ELK3: variants seen among roughly 807,000 people sequenced by gnomAD.
ELK3 encodes the protein ETS domain-containing protein Elk-3.
In ELK3, 10 loss-of-function variants were observed where a neutral mutation model predicts 28.9. The observed-to-expected ratio is 0.35, with a 90% confidence interval of 0.21 to 0.59. The LOEUF is 0.59. Among genes scored for constraint, ELK3 ranks in the 20% least tolerant of loss-of-function variants. The pLI is 0.82. For synonymous variants in ELK3, 272 were observed against 243.5 expected (o/e 1.12, Z -1.09); for missense variants, 463 against 517.3 (o/e 0.90, Z 1.02).
chr12:96,194,394 C>T lies in ELK3; in HGVS notation c.-314C>T, dbSNP rs1157791436. The T allele has an allele frequency of 2.7e-5, 4 of 146,198 alleles. No homozygotes were observed. Among genetic ancestry groups the T allele is most frequent in the Non-Finnish European group, 1.5e-5 (1 of 65,844 alleles). 9.1% of individuals were successfully genotyped at this position (146,198 alleles called of 1,614,324 possible). The stretch of plus-strand genomic sequence containing the variant: ...GGAGGCGCGGGCCTGGGCGGCCAGC[C>T]CCGGCGCACAGCCGCGGCCGGGGCG... On this transcript the variant is annotated 5_prime_UTR_variant, in exon 1 of 5. Coordinates refer to ENST00000228741, the MANE Select transcript of ELK3 (RefSeq NM_005230.4).
At chr12:96,201,395 C>T (rs142597096) in intron 1 of ELK3, among the ~76,000 whole-genome samples, 550 of 151,932 alleles carry the variant, frequency 3.6e-3, no homozygotes, top group African/African-American at 0.012. Context: ...CTGAAGCAGG[C>T]AGATCACTTG....
intron 1 of ELK3, among the ~76,000 whole-genome samples, chr12:96,210,598 C>CACA (rs1555193043): frequency 7.9e-5 from 11 of 138,704 alleles, no homozygotes; most frequent in East Asian, 2.1e-4. Flanking sequence ...CACACACACA[C>CACA]CCCGAGTGGG....
At chr12:96,254,447 T>C (rs1312461665) in intron 3 of ELK3, among the ~76,000 whole-genome samples, 2 of 152,164 alleles carry the variant, frequency 1.3e-5, no homozygotes, top group Non-Finnish European at 1.5e-5. Context: ...CAGTTGCTTG[T>C]TTTTATGACC....
chr12:96,216,884 A>G (rs74499374), intron 1 of ELK3, among the ~76,000 whole-genome samples: 2,221 of 152,324 alleles, frequency 0.015, 52 homozygotes, highest in African/African-American at 0.051. Flanking sequence ...TTGAACCCAG[A>G]GAGTCAGGTG....
intron 3 of ELK3, among the ~76,000 whole-genome samples, chr12:96,250,457 T>A (rs907699794): frequency 6.6e-6 from 1 of 152,152 alleles, no homozygotes; most frequent in Non-Finnish European, 1.5e-5. Context: ...AGTGTCAGAT[T>A]TGGACTCTCA....
At position 96,247,181 on chromosome 12, in the gene ELK3, C is replaced by T. The variant is rs747726707; in HGVS notation, c.449C>T (p.Ser150Phe). The change falls in exon 3 of 5, where the codon TCC becomes TTC. Residue 150 changes from serine to phenylalanine, a missense_variant. By Grantham distance (155) the Ser-to-Phe change is radical. Coordinates refer to ENST00000228741, the MANE Select transcript of ELK3 (RefSeq NM_005230.4). This position sits in a 1 kb window ranked among gnomAD's most constrained non-coding sequence, Gnocchi z 5.5. ...CTGTACTCGTCCTTCACCATTAATTCCCTGCAGAACCCACCAGACGCCTTC... is the reference window on the plus strand; with the variant it reads ...CTGTACTCGTCCTTCACCATTAATTTCCTGCAGAACCCACCAGACGCCTTC... ...SGLYSSFTIN[S>F]LQNPPDAFKA... 1.2e-6 allele frequency: 2 copies of T among 1,614,120 alleles called. No homozygotes were observed. Among genetic ancestry groups the T allele is most frequent in the Non-Finnish European group, 1.7e-6 (2 of 1,179,996 alleles).
chr12:96,220,210 C>A (rs1024416605), intron 1 of ELK3, among the ~76,000 whole-genome samples: 3 of 152,058 alleles, frequency 2.0e-5, no homozygotes, highest in Admixed American at 1.3e-4. Flanking sequence ...TCTGCCTGTT[C>A]CCTTTCTACT....
At chr12:96,202,865 T>TTC (rs773834934) in intron 1 of ELK3, among the ~76,000 whole-genome samples, 20 of 150,926 alleles carry the variant, frequency 1.3e-4, no homozygotes, top group Non-Finnish European at 2.8e-4. Context: ...ATTACCTGAA[T>TTC]TCTCTCTCTC....
At position 96,247,879 on chromosome 12, in the gene ELK3, C is replaced by T. The variant is rs999062453; in HGVS notation, c.1002+145C>T. The T allele has an allele frequency of 1.4e-5, 15 of 1,096,640 alleles. No homozygotes were observed. Among genetic ancestry groups the T allele is most frequent in the Non-Finnish European group, 1.7e-5 (14 of 800,344 alleles). 67.9% of individuals were successfully genotyped at this position (1,096,640 alleles called of 1,614,324 possible). A position where few individuals can be genotyped will look rare whatever the true frequency, so the allele number is the denominator to read the frequency against. ...GTCACTGTGTAAATGTGAAGGGAAGCTGCTTTTCCATCCTCAGACCAAGGG... is the reference window on the plus strand; with the variant it reads ...GTCACTGTGTAAATGTGAAGGGAAGTTGCTTTTCCATCCTCAGACCAAGGG... On this transcript the variant is annotated intron_variant, in intron 3 of 4. Transcript: ENST00000228741. The surrounding 1 kb of genome is among the most constrained non-coding windows in gnomAD (Gnocchi z 5.5).
chr12:96,266,347 C>T (rs1383445018), intron 4 of ELK3, among the ~76,000 whole-genome samples: 1 of 152,188 alleles, frequency 6.6e-6, no homozygotes. Context: ...CAACGAAAAT[C>T]TAGTTGCAAG....
chr12:96,265,994 C>T (rs1258128851), intron 4 of ELK3, among the ~76,000 whole-genome samples: 1 of 152,164 alleles, frequency 6.6e-6, no homozygotes, highest in African/African-American at 2.4e-5. Context: ...TTGTTTAAAA[C>T]TTGGCTGTGT....
At chr12:96,248,703 C>G (rs370971956) in intron 3 of ELK3, among the ~76,000 whole-genome samples, 1 of 152,176 alleles carries the variant, frequency 6.6e-6, no homozygotes, top group African/African-American at 2.4e-5. Context: ...CCTCTGTAAT[C>G]TCATCGTAGT....
chr12:96,236,795 C>T (rs1951787527), intron 2 of ELK3, among the ~76,000 whole-genome samples: 1 of 152,170 alleles, frequency 6.6e-6, no homozygotes, highest in African/African-American at 2.4e-5. Flanking sequence ...ACAAATGACC[C>T]CAAACTTGGT....
intron 2 of ELK3, among the ~76,000 whole-genome samples, chr12:96,230,359 T>C (rs1951732102): frequency 6.6e-6 from 1 of 152,210 alleles, no homozygotes; most frequent in Admixed American, 6.5e-5. Context: ...GATGCATGAC[T>C]GTATTTCAGA....
chr12:96,213,157 TA>T (rs1951588410), intron 1 of ELK3, among the ~76,000 whole-genome samples: 1 of 152,178 alleles, frequency 6.6e-6, no homozygotes, highest in African/African-American at 2.4e-5. Flanking sequence ...GTTTAAAACA[TA>T]TATAAGCCTT....
In ELK3 at chr12:96,200,746, T is replaced by C. The variant is rs180711502; in HGVS notation, c.-3+6041T>C. On this transcript the variant is annotated intron_variant, in intron 1 of 4. Transcript: ENST00000228741. Reference sequence around the variant, plus strand: ...GGTGCAAGCTTGGCGCACTGCAACCTCCGCCTCCTGTGTCTAAGCAATTCT... The same window carrying C: ...GGTGCAAGCTTGGCGCACTGCAACCCCCGCCTCCTGTGTCTAAGCAATTCT... 3.3e-5 allele frequency among the ~76,000 whole-genome samples: 5 copies of C among 152,318 alleles called. No homozygotes were observed. In the East Asian group the frequency reaches 9.7e-4, roughly 29 times the overall value.
chr12:96,201,580 C>CAA (rs11298632), intron 1 of ELK3, among the ~76,000 whole-genome samples: 4 of 82,888 alleles, frequency 4.8e-5, no homozygotes, highest in Non-Finnish European at 7.1e-5. Flanking sequence ...AACCCTGTCT[C>CAA]AAAAAAAAAA....
chr12:96,250,401 G>A (rs1430701662), intron 3 of ELK3, among the ~76,000 whole-genome samples: 1 of 152,226 alleles, frequency 6.6e-6, no homozygotes, highest in Non-Finnish European at 1.5e-5. Flanking sequence ...CCTGAGATCA[G>A]ATAGGATATC....
intron 3 of ELK3, among the ~76,000 whole-genome samples, chr12:96,258,484 G>T (rs372302764): frequency 2.0e-5 from 3 of 152,158 alleles, no homozygotes; most frequent in Non-Finnish European, 4.4e-5. Context: ...ATGATGCTAC[G>T]GAGGCCAATT....
Sources: gnomAD v4.1 joint callset for allele counts (sites outside exome capture counted in the v4.1 genomes callset) on GRCh38, gnomAD v4.1.1 for gene constraint, Gnocchi (gnomAD v3.1) non-coding constraint, MANE v1.5 for transcripts, NCBI Gene and HGNC (gene_info 2026-07-23, HGNC 2026-07-21) for gene names.